TNS1: variants seen among roughly 807,000 people sequenced by gnomAD.
TNS1 encodes the protein tensin 1, also known as tensin-1.
A neutral mutation model predicts 168.6 loss-of-function variants in TNS1; 62 were observed. That is an observed-to-expected ratio of 0.37 (90% CI 0.30 to 0.45). TNS1 has a LOEUF of 0.45. Among genes scored for constraint, TNS1 ranks in the 20% least tolerant of loss-of-function variants. TNS1 has a pLI of 1.00. For missense variants in TNS1, 2,240 were observed against 2,339.4 expected (o/e 0.96, Z 0.88); for synonymous variants, 934 against 933.2 (o/e 1.00, Z -0.02).
chr2:217,818,872 C>T, intron 23 of TNS1, 113 bp from the exon 24 acceptor site: 2 of 823,540 alleles, frequency 2.4e-6, no homozygotes, highest in South Asian at 1.7e-5. Context: ...AATGGTCCCA[C>T]TGGCAGTGCG....
intron 19 of TNS1, among the ~76,000 whole-genome samples, chr2:217,846,883 T>C (rs2125415928): frequency 6.6e-6 from 1 of 152,346 alleles, no homozygotes; most frequent in South Asian, 2.1e-4. Context: ...ACAGGAAAAC[T>C]GACTTAGAAG....
intron 2 of TNS1, 51 bp downstream of exon 2, chr2:217,990,891 T>C: frequency 1.8e-6 from 1 of 549,510 alleles, no homozygotes. Context: ...CCCAGCCATC[T>C]CATTCCCCTG....
chr2:217,890,155 A>T (rs1951598802), intron 12 of TNS1, among the ~76,000 whole-genome samples: 1 of 152,158 alleles, frequency 6.6e-6, no homozygotes, highest in Non-Finnish European at 1.5e-5. Flanking sequence ...ATCACACGAT[A>T]GCTCACCGTG....
intron 3 of TNS1, among the ~76,000 whole-genome samples, chr2:217,944,843 A>G (rs1957063577): frequency 6.6e-6 from 1 of 152,250 alleles, no homozygotes; most frequent in Non-Finnish European, 1.5e-5. Flanking sequence ...GAAGTTTTCC[A>G]TGATAAAAAT....
At position 217,813,877 on chromosome 2, in the gene TNS1, T is replaced by C. The variant is rs2125123571; in HGVS notation, c.4730-61A>G. On this transcript the variant is annotated intron_variant, in intron 25 of 32. Coordinates refer to ENST00000682258, the MANE Select transcript of TNS1 (RefSeq NM_001387777.1). The surrounding 1 kb of genome is among the most constrained non-coding windows in gnomAD (Gnocchi z 4.0). ...AAGACCTCGGTGGCGCTAGTTTTAC[T>C]TAAGTCTCATTGAGCCTACCGACCT... 3 of 1,503,334 alleles carry C rather than the reference T, an allele frequency of 2.0e-6. No individual in the cohort carries two copies. The South Asian group carries it at 4.0e-5, about 20-fold the overall frequency. 93.1% of individuals were successfully genotyped at this position (1,503,334 alleles called of 1,614,324 possible). A position where few individuals can be genotyped will look rare whatever the true frequency, so the allele number is the denominator to read the frequency against.
chr2:217,859,357 T>G, intron 18 of TNS1: 1 of 411,556 alleles, frequency 2.4e-6, no homozygotes. Context: ...TTTTTTTCCC[T>G]CTCTCTCCCC....
intron 3 of TNS1, among the ~76,000 whole-genome samples, chr2:217,972,466 G>A (rs547098325): frequency 1.3e-5 from 2 of 152,354 alleles, no homozygotes; most frequent in Admixed American, 1.3e-4. Flanking sequence ...CTGAAAGGTG[G>A]GGGTTAATTA....
chr2:217,980,502 C>CAGAGAG (rs1559398375), intron 2 of TNS1, among the ~76,000 whole-genome samples: 7 of 117,920 alleles, frequency 5.9e-5, no homozygotes, highest in African/African-American at 2.3e-4. Flanking sequence ...CTCCTACACA[C>CAGAGAG]ACACAGAGAG....
intron 3 of TNS1, among the ~76,000 whole-genome samples, chr2:217,952,745 A>T (rs1159967116): frequency 6.6e-6 from 1 of 152,224 alleles, no homozygotes; most frequent in Non-Finnish European, 1.5e-5. Context: ...ACCCCTTCCC[A>T]GCAGGGCTTG....
intron 27 of TNS1, 28 bp from the exon 28 acceptor site, chr2:217,812,473 G>A (rs764310772): frequency 6.2e-7 from 1 of 1,603,712 alleles, no homozygotes; most frequent in South Asian, 1.1e-5. Context: ...GCATGTCATG[G>A]GCAGTGATAC....
At chr2:218,030,862 A>AGT in intron 1 of TNS1, among the ~76,000 whole-genome samples, 1 of 152,072 alleles carries the variant, frequency 6.6e-6, no homozygotes, top group South Asian at 2.1e-4. Context: ...TGTGTGTGTC[A>AGT]GTGTGTGTGT....
At position 217,931,008 on chromosome 2, in the gene TNS1, G is replaced by A. The variant is rs879754331; in HGVS notation, c.187-10772C>T. ...ACTGGTGTGAAAGGAGGTGACAGGCGTGGGGAGCGAGACCACGTGTTCACT... is the reference window on the plus strand; with the variant it reads ...ACTGGTGTGAAAGGAGGTGACAGGCATGGGGAGCGAGACCACGTGTTCACT... On this transcript the variant is annotated intron_variant, in intron 3 of 32. Coordinates refer to ENST00000682258, the MANE Select transcript of TNS1 (RefSeq NM_001387777.1). 7.2e-5 allele frequency among the ~76,000 whole-genome samples: 11 copies of A among 152,266 alleles called. No homozygotes were observed. The South Asian group carries it at 1.5e-3, about 20-fold the overall frequency.
At chr2:218,007,843 C>G (rs1281802805), upstream of TNS1, among the ~76,000 whole-genome samples, 2 of 152,116 alleles carry the variant, frequency 1.3e-5, no homozygotes, top group Non-Finnish European at 2.9e-5. Flanking sequence ...AGTGGGAGCT[C>G]AAGTCCCATC....
chr2:217,865,770 C>T (rs1180414676), intron 18 of TNS1, among the ~76,000 whole-genome samples: 1 of 152,168 alleles, frequency 6.6e-6, no homozygotes, highest in Non-Finnish European at 1.5e-5. Context: ...TGAGGCAGGA[C>T]ACCCCAGGTC....
upstream of TNS1, among the ~76,000 whole-genome samples, chr2:218,011,729 C>T (rs1167402947): frequency 6.6e-6 from 1 of 152,156 alleles, no homozygotes; most frequent in Non-Finnish European, 1.5e-5. Flanking sequence ...TGCCCGTCCC[C>T]ATTGCAGCTC....
chr2:217,914,853 C>A (rs1954825474), intron 4 of TNS1, among the ~76,000 whole-genome samples: 1 of 152,210 alleles, frequency 6.6e-6, no homozygotes, highest in Non-Finnish European at 1.5e-5. Flanking sequence ...CCTCCTCTTT[C>A]TGAGGACCTC....
intron 6 of TNS1, among the ~76,000 whole-genome samples, chr2:217,906,044 C>T (rs1953648561): frequency 6.6e-6 from 1 of 152,206 alleles, no homozygotes; most frequent in Non-Finnish European, 1.5e-5. Context: ...CGCATTTCCC[C>T]TTGATCCCCA....
At chr2:218,008,934 A>G (rs1231229138) in intron 1 of TNS1, among the ~76,000 whole-genome samples, 1 of 152,184 alleles carries the variant, frequency 6.6e-6, no homozygotes, top group Non-Finnish European at 1.5e-5. Context: ...AGGCACAGTT[A>G]AACACTTTAA....
Position 217,835,126 on chromosome 2 carries a change from T to C in TNS1, c.3245A>G (p.Glu1082Gly). ...TGGTGGGCTGCTCGGGGAGGTTCCCTCCATCTCCTCGAAGGCCTCCTTGTA... is the reference window on the plus strand; with the variant it reads ...TGGTGGGCTGCTCGGGGAGGTTCCCCCCATCTCCTCGAAGGCCTCCTTGTA... ...HSYKEAFEEM[E>G]GTSPSSPPPS... The change falls in exon 21 of 33, where the codon GAG becomes GGG. Residue 1082 changes from glutamate (E) to glycine (G), a missense_variant. By Grantham distance (98) the Glu-to-Gly change is moderately conservative (BLOSUM62 -2). Coordinates refer to ENST00000682258, the MANE Select transcript of TNS1 (RefSeq NM_001387777.1). 1 of 1,589,558 alleles carries C rather than the reference T, an allele frequency of 6.3e-7. No homozygotes were observed. The highest frequency in any genetic ancestry group is 2.3e-5 in the East Asian group (1 of 43,078).
Sources: allele counts gnomAD v4.1 joint callset (sites outside exome capture counted in the v4.1 genomes callset), GRCh38; gene constraint gnomAD v4.1.1; non-coding constraint Gnocchi (gnomAD v3.1); transcripts MANE v1.5; gene names NCBI Gene and HGNC (gene_info 2026-07-23, HGNC 2026-07-21).